The following TUSC7 variants were observed in gnomAD, a reference collection of about 807,000 sequenced individuals.
TUSC7 encodes the protein LSAMP antisense RNA 3.
At chr3:116,712,173 C>T (rs1283142756) in intron 1 of TUSC7, among the ~76,000 whole-genome samples, 1 of 152,278 alleles carries the variant, frequency 6.6e-6, no homozygotes, top group South Asian at 2.1e-4. Context: ...CAGCATTATG[C>T]TCCTGTGTTT....
intron 1 of TUSC7, among the ~76,000 whole-genome samples, chr3:116,712,131 G>T (rs1576301328): frequency 6.6e-6 from 1 of 152,080 alleles, no homozygotes; most frequent in Admixed American, 6.6e-5. Context: ...GTTTACAATT[G>T]TTTCTCTAAA....
intron 1 of TUSC7, chr3:116,714,274 G>A (rs981501818): frequency 5.3e-5 from 8 of 152,140 alleles, no homozygotes; most frequent in Non-Finnish European, 8.8e-5. Flanking sequence ...ATGGAATTGT[G>A]GACTTTTGCA....
intron 1 of TUSC7, among the ~76,000 whole-genome samples, chr3:116,713,631 G>T (rs1405726609): frequency 6.6e-6 from 1 of 152,160 alleles, no homozygotes. Context: ...GAACTGTCCT[G>T]GAACACTTAT....
At chr3:116,714,913 A>G (rs149398006) in intron 1 of TUSC7, among the ~76,000 whole-genome samples, 5 of 151,560 alleles carry the variant, frequency 3.3e-5, no homozygotes, top group African/African-American at 1.2e-4. Context: ...AAAATAACAT[A>G]TATGACATAT....
intron 1 of TUSC7, among the ~76,000 whole-genome samples, chr3:116,711,801 A>G (rs1226765067): frequency 1.3e-5 from 2 of 152,226 alleles, no homozygotes; most frequent in East Asian, 3.9e-4. Context: ...CTAATACACT[A>G]GAAAATACTT....
At chr3:116,710,049 C>T (rs969066699) in intron 1 of TUSC7, 1 of 152,140 alleles carries the variant, frequency 6.6e-6, no homozygotes, top group African/African-American at 2.4e-5. Flanking sequence ...CATGCTCAAG[C>T]AAATTCGAAC....
At chr3:116,716,044 C>T (rs1163309148) in intron 1 of TUSC7, 4 of 152,186 alleles carry the variant, frequency 2.6e-5, no homozygotes, top group Non-Finnish European at 5.9e-5. Context: ...TTTGCCATGA[C>T]TCAAAAATGG....
At chr3:116,714,392 C>A (rs1373736016) in intron 1 of TUSC7, among the ~76,000 whole-genome samples, 1 of 152,186 alleles carries the variant, frequency 6.6e-6, no homozygotes, top group South Asian at 2.1e-4. Context: ...AGCTAGTCTG[C>A]ATCTTAGATT....
At chr3:116,715,228 C>T (rs1040628665) in intron 1 of TUSC7, among the ~76,000 whole-genome samples, 4 of 152,060 alleles carry the variant, frequency 2.6e-5, no homozygotes, top group African/African-American at 9.7e-5. Context: ...CTCCATTCAC[C>T]AACTGAACAT....
intron 1 of TUSC7, among the ~76,000 whole-genome samples, chr3:116,714,341 C>T (rs1355482185): frequency 6.6e-6 from 1 of 152,150 alleles, no homozygotes; most frequent in Non-Finnish European, 1.5e-5. Flanking sequence ...GCATGATGAT[C>T]TTTCTGAAAT....
At chr3:116,716,264 AC>A (rs1362368449) in intron 1 of TUSC7, 2 of 152,206 alleles carry the variant, frequency 1.3e-5, no homozygotes, top group Non-Finnish European at 2.9e-5. Flanking sequence ...TCTGAGAGAT[AC>A]TTTTTGCAAG....
At chr3:116,713,503 A>T (rs1021725140) in intron 1 of TUSC7, among the ~76,000 whole-genome samples, 1 of 152,200 alleles carries the variant, frequency 6.6e-6, no homozygotes, top group Non-Finnish European at 1.5e-5. Flanking sequence ...GCCTTCAACC[A>T]CCTATCATTA....
At chr3:116,716,959 G>C (rs917376637) in intron 1 of TUSC7, 2 of 152,100 alleles carry the variant, frequency 1.3e-5, no homozygotes, top group Non-Finnish European at 2.9e-5. Flanking sequence ...TATGAAGAAA[G>C]TTTTGCCTTT....
intron 1 of TUSC7, chr3:116,712,492 T>C (rs1048312462): frequency 6.6e-6 from 1 of 152,040 alleles, no homozygotes; most frequent in East Asian, 1.9e-4. Flanking sequence ...ACAAATTGGA[T>C]GGAATTCAGA....
chr3:116,711,607 C>G (rs900463963), intron 1 of TUSC7, among the ~76,000 whole-genome samples: 2 of 152,120 alleles, frequency 1.3e-5, no homozygotes, highest in African/African-American at 4.8e-5. Flanking sequence ...GACCATACCA[C>G]CTGCTAGAGG....
intron 1 of TUSC7, among the ~76,000 whole-genome samples, chr3:116,711,683 T>A (rs1049478778): frequency 6.6e-6 from 1 of 152,158 alleles, no homozygotes; most frequent in Non-Finnish European, 1.5e-5. Flanking sequence ...ATGAGTACAG[T>A]CAAACTTTAA....
chr3:116,713,445 T>G (rs1208215653), intron 1 of TUSC7, among the ~76,000 whole-genome samples: 1 of 152,168 alleles, frequency 6.6e-6, no homozygotes. Flanking sequence ...ATCAAAGTCT[T>G]AAGATATGGA....
intron 1 of TUSC7, among the ~76,000 whole-genome samples, chr3:116,715,974 C>A (rs1011681444): frequency 3.9e-5 from 6 of 152,126 alleles, no homozygotes; most frequent in African/African-American, 1.4e-4. Context: ...CAAGTTCATG[C>A]CCTTACAACA....
At chr3:116,713,074 C>T (rs530108893) in intron 1 of TUSC7, among the ~76,000 whole-genome samples, 2 of 152,128 alleles carry the variant, frequency 1.3e-5, no homozygotes, top group Admixed American at 1.3e-4. Context: ...TCCCTTTCTT[C>T]TTATTCTAGA....
Sources: gnomAD v4.1 joint callset for allele counts (sites outside exome capture counted in the v4.1 genomes callset) on GRCh38, gnomAD v4.1.1 for gene constraint, MANE v1.5 for transcripts, NCBI Gene and HGNC (gene_info 2026-07-23, HGNC 2026-07-21) for gene names.